ZNF804B: variants seen among roughly 807,000 people sequenced by gnomAD.
The protein encoded by ZNF804B is zinc finger protein 804B.
In ZNF804B, 80 loss-of-function variants were observed where a neutral mutation model predicts 101.4. That is an observed-to-expected ratio of 0.79 (90% CI 0.66 to 0.95). The LOEUF is 0.95. ZNF804B is among the 40% of genes least tolerant of loss of function. The probability of loss-of-function intolerance (pLI) is 0.00; values close to 1 mark genes in which losing one functional copy is unlikely to be tolerated. For synonymous variants in ZNF804B, 622 were observed against 558.8 expected (o/e 1.11, Z -1.59); for missense variants, 1,673 against 1,561.9 (o/e 1.07, Z -1.20).
chr7:88,853,787 G>A (rs1394692174), intron 1 of ZNF804B, among the ~76,000 whole-genome samples: 1 of 152,024 alleles, frequency 6.6e-6, no homozygotes, highest in African/African-American at 2.4e-5. Flanking sequence ...ATAAAGCTGA[G>A]TATGCACAGA....
chr7:88,994,210 A>G (rs1416779478), intron 1 of ZNF804B, among the ~76,000 whole-genome samples: 2 of 151,888 alleles, frequency 1.3e-5, no homozygotes, highest in African/African-American at 4.8e-5. Flanking sequence ...TTTTTTATTC[A>G]GCTGCCTCTT....
intron 1 of ZNF804B, among the ~76,000 whole-genome samples, chr7:89,075,393 A>G (rs1766245702): frequency 6.6e-6 from 1 of 152,120 alleles, no homozygotes; most frequent in African/African-American, 2.4e-5. Flanking sequence ...AGCCATGACT[A>G]AAAGGGGCCC....
At chr7:88,848,439 A>G (rs1411922712) in intron 1 of ZNF804B, among the ~76,000 whole-genome samples, 1 of 152,182 alleles carries the variant, frequency 6.6e-6, no homozygotes, top group Non-Finnish European at 1.5e-5. Flanking sequence ...GGCACAGCTA[A>G]GGAGTGCATT....
At chr7:89,203,609 C>A (rs1788677027) in intron 1 of ZNF804B, among the ~76,000 whole-genome samples, 1 of 151,618 alleles carries the variant, frequency 6.6e-6, no homozygotes, top group Non-Finnish European at 1.5e-5. Context: ...ATTAAATTAC[C>A]CACTAGAATT....
intron 1 of ZNF804B, among the ~76,000 whole-genome samples, chr7:88,762,164 C>T (rs1789907789): frequency 6.6e-6 from 1 of 152,236 alleles, no homozygotes; most frequent in African/African-American, 2.4e-5. Flanking sequence ...ACTTAAATTA[C>T]ATATGCATCA....
intron 1 of ZNF804B, among the ~76,000 whole-genome samples, chr7:88,793,944 T>C (rs1331037271): frequency 6.6e-6 from 1 of 152,130 alleles, no homozygotes; most frequent in Non-Finnish European, 1.5e-5. Context: ...TTTGAGAGCT[T>C]ATGATAAACT....
rs1234458204 is a variant in ZNF804B at position 88,803,440 on chromosome 7, AGTAAAAGG to A, written c.108+43357_108+43364del. On this transcript the variant is annotated intron_variant, in intron 1 of 3. Transcript: ENST00000333190. ...AGTCCAGACACCTTGCATACTACTGAGTAAAAGGTGAGTCTTTAAAGAATTTGCACCAG... is the reference window on the plus strand; with the variant it reads ...AGTCCAGACACCTTGCATACTACTGATGAGTCTTTAAAGAATTTGCACCAG... Among the ~76,000 whole-genome samples the A allele has an allele frequency of 2.0e-5, 3 of 152,182 alleles. 1 individual carries two copies. The highest frequency in any genetic ancestry group is 2.0e-4 in the Admixed American group (3 of 15,260).
rs10278341 is a variant in ZNF804B, at chr7:88,899,484, T to C, written c.108+139400T>C. 2.3e-3 allele frequency among the ~76,000 whole-genome samples: 357 copies of C among 152,186 alleles called. 3 individuals carry two copies. Among genetic ancestry groups the C allele is most frequent in the African/African-American group, 8.2e-3 (342 of 41,492 alleles). On this transcript the variant is annotated intron_variant, in intron 1 of 3. Coordinates refer to ENST00000333190, the MANE Select transcript of ZNF804B (RefSeq NM_181646.5). ...ACCCAGCTCTGATCTCTTTCTTCAC[T>C]GTCATATTCTTCATTCAAGTTTGCC...
At chr7:89,175,984 A>G (rs571779433) in intron 1 of ZNF804B, among the ~76,000 whole-genome samples, 74 of 152,168 alleles carry the variant, frequency 4.9e-4, no homozygotes, top group African/African-American at 1.8e-3. Flanking sequence ...TTTCCCAAAT[A>G]TAAGATCATA....
At chr7:89,237,251 A>T (rs1789298707) in intron 2 of ZNF804B, among the ~76,000 whole-genome samples, 1 of 152,210 alleles carries the variant, frequency 6.6e-6, no homozygotes, top group African/African-American at 2.4e-5. Context: ...ATTAGAAGAA[A>T]ATATGGTTGA....
At chr7:88,870,897 G>A (rs1791812805) in intron 1 of ZNF804B, among the ~76,000 whole-genome samples, 1 of 152,024 alleles carries the variant, frequency 6.6e-6, no homozygotes, top group African/African-American at 2.4e-5. Flanking sequence ...CTGTATTATT[G>A]ATGATGGCAA....
chr7:88,810,186 C>T (rs1251223084), intron 1 of ZNF804B, among the ~76,000 whole-genome samples: 1 of 151,930 alleles, frequency 6.6e-6, no homozygotes, highest in Non-Finnish European at 1.5e-5. Flanking sequence ...TAATGTTGCA[C>T]ACTCTCACTC....
At chr7:89,271,515 G>C (rs1236397598) in intron 2 of ZNF804B, among the ~76,000 whole-genome samples, 1 of 152,038 alleles carries the variant, frequency 6.6e-6, no homozygotes, top group African/African-American at 2.4e-5. Flanking sequence ...CAGGGATATT[G>C]GTCTAAAATT....
At chr7:89,043,283 A>G (rs888703844) in intron 1 of ZNF804B, among the ~76,000 whole-genome samples, 9 of 152,368 alleles carry the variant, frequency 5.9e-5, no homozygotes, top group African/African-American at 2.2e-4. Context: ...TTCATGACTC[A>G]GTCGCATCAC....
intron 1 of ZNF804B, among the ~76,000 whole-genome samples, chr7:89,087,193 G>A (rs555330159): frequency 5.3e-5 from 8 of 151,914 alleles, no homozygotes; most frequent in South Asian, 2.1e-4. Context: ...TTTTGGTAAC[G>A]TAACTAAGAG....
intron 1 of ZNF804B, among the ~76,000 whole-genome samples, chr7:88,798,935 CA>C (rs2115705034): frequency 1.3e-5 from 2 of 152,138 alleles, no homozygotes; most frequent in African/African-American, 4.8e-5. Flanking sequence ...TTATTCTACC[CA>C]GAGTGATCTG....
chr7:89,036,616 A>G (rs1788932451), intron 1 of ZNF804B, among the ~76,000 whole-genome samples: 1 of 152,176 alleles, frequency 6.6e-6, no homozygotes, highest in Admixed American at 6.6e-5. Context: ...TCTATACAGA[A>G]ACTGAGACCT....
chr7:89,303,073 C>G (rs10240045), intron 2 of ZNF804B, among the ~76,000 whole-genome samples: 1 of 151,546 alleles, frequency 6.6e-6, no homozygotes, highest in Non-Finnish European at 1.5e-5. Context: ...AGTATCAAAA[C>G]TGGCTTTACA....
intron 1 of ZNF804B, among the ~76,000 whole-genome samples, chr7:89,190,350 A>G (rs868136420): frequency 1.3e-5 from 2 of 151,320 alleles, no homozygotes; most frequent in African/African-American, 4.8e-5. Context: ...AAAAAAAAAA[A>G]GCAAGAAAAC....
Sources: allele counts gnomAD v4.1 joint callset (sites outside exome capture counted in the v4.1 genomes callset), GRCh38; gene constraint gnomAD v4.1.1; transcripts MANE v1.5; gene names NCBI Gene and HGNC (gene_info 2026-07-23, HGNC 2026-07-21).